IL1RAPL2: variants seen among roughly 807,000 people sequenced by gnomAD.
The protein encoded by IL1RAPL2 is X-linked interleukin-1 receptor accessory protein-like 2.
IL1RAPL2 carries 3 observed loss-of-function variants against 44.1 expected under a neutral mutation model. That is an observed-to-expected ratio of 0.07 (90% confidence interval 0.03 to 0.18). The LOEUF (loss-of-function observed/expected upper bound fraction) is 0.18. Among genes scored for constraint, IL1RAPL2 ranks in the 10% least tolerant of loss-of-function variants. IL1RAPL2 has a pLI of 1.00. For synonymous variants in IL1RAPL2, 181 were observed against 178.8 expected, an observed-to-expected ratio of 1.01 and a Z score of -0.10; for missense variants, 391 against 496.4, an observed-to-expected ratio of 0.79 and a Z score of 2.02.
At chrX:105,548,142 G>T (rs1323239274) in intron 6 of IL1RAPL2, among the ~76,000 whole-genome samples, 1 of 111,798 alleles carries the variant, frequency 8.9e-6, no homozygotes, top group Admixed American at 9.6e-5. Flanking sequence ...GCACCAAATA[G>T]CATAGAAAAA....
intron 6 of IL1RAPL2, among the ~76,000 whole-genome samples, chrX:105,557,356 G>T (rs773719488): frequency 8.1e-5 from 9 of 111,541 alleles, no homozygotes; most frequent in Non-Finnish European, 5.7e-5. Context: ...TGTGTGTGGA[G>T]AATCTAAAAG....
At chrX:104,764,666 A>T (rs1932527298) in intron 2 of IL1RAPL2, among the ~76,000 whole-genome samples, 1 of 112,054 alleles carries the variant, frequency 8.9e-6, no homozygotes, top group Non-Finnish European at 1.9e-5. Flanking sequence ...GCTTTTTCTC[A>T]TTCAGTATGA....
chrX:104,853,488 G>A (rs966566681), intron 2 of IL1RAPL2, among the ~76,000 whole-genome samples: 5 of 111,190 alleles, frequency 4.5e-5, no homozygotes, highest in African/African-American at 1.3e-4. Context: ...GGGGAATGTG[G>A]GAGGTTTATG....
At position 105,749,031 on chromosome X, in the gene IL1RAPL2, A is replaced by G; in HGVS notation, c.1120A>G (p.Ile374Val). ...CCTCCTCCTTGTACTGCTGGTGGTC[A>G]TTTACAAATGCTACAACATTGAATT... ...IFLLLVLLVV[I>V]YKCYNIELML... Residue 374 changes from isoleucine to valine, a missense_variant, in exon 9 of 11, where the codon ATT becomes GTT. Coordinates refer to ENST00000372582, the MANE Select transcript of IL1RAPL2 (RefSeq NM_017416.2). 1.7e-6 allele frequency: 2 copies of G among 1,209,656 alleles called. No homozygotes were observed. The highest frequency in any genetic ancestry group is 2.2e-6 in the Non-Finnish European group (2 of 893,751).
chrX:105,132,117 A>G (rs776405830), intron 2 of IL1RAPL2, among the ~76,000 whole-genome samples: 2 of 109,482 alleles, frequency 1.8e-5, no homozygotes, highest in East Asian at 2.9e-4. Flanking sequence ...AAAGGTTTCA[A>G]TGAAAGTCGT....
Position 104,592,552 on chromosome X carries a change from G to T in IL1RAPL2, c.-20+25501G>T, listed in dbSNP as rs774077889. Among the ~76,000 whole-genome samples, 3 of 111,030 alleles carry T rather than the reference G, an allele frequency of 2.7e-5. No individual in the cohort carries two copies. In the South Asian group the frequency reaches 1.1e-3, roughly 42 times the overall value. On this transcript the variant is annotated intron_variant, in intron 1 of 10. Transcript: ENST00000372582. ...TTTCACATTCTCCAATATCCTTTCT[G>T]GTCCATCATTTTAAGAAGTTCCATA... is the stretch of plus-strand genomic sequence containing the variant.
intron 2 of IL1RAPL2, among the ~76,000 whole-genome samples, chrX:105,137,691 A>T (rs2033088892): frequency 8.9e-6 from 1 of 112,129 alleles, no homozygotes; most frequent in African/African-American, 3.2e-5. Flanking sequence ...TTAACTAAAG[A>T]CACCTAAATG....
At chrX:105,621,955 A>ATG (rs753746663) in intron 6 of IL1RAPL2, among the ~76,000 whole-genome samples, 1 of 109,540 alleles carries the variant, frequency 9.1e-6, no homozygotes, top group Admixed American at 9.8e-5. Context: ...TCTCACCTAA[A>ATG]TGTGTGTGTG....
chrX:104,570,250 T>C (rs1044136298), intron 1 of IL1RAPL2, among the ~76,000 whole-genome samples: 1 of 112,183 alleles, frequency 8.9e-6, no homozygotes, highest in African/African-American at 3.2e-5. Context: ...CAGAAAGCTG[T>C]GATTGGAGCC....
chrX:104,592,131 T>C (rs1928678275), intron 1 of IL1RAPL2, among the ~76,000 whole-genome samples: 1 of 96,848 alleles, frequency 1.0e-5, no homozygotes, highest in Non-Finnish European at 2.1e-5. Flanking sequence ...TATGATTTTT[T>C]TTAATGCCCG....
rs2034171851 is a variant in IL1RAPL2, at chrX:105,241,669, T to C, written c.543+7665T>C. On this transcript the variant is annotated intron_variant, in intron 4 of 10. Transcript: ENST00000372582. The stretch of plus-strand genomic sequence containing the variant: ...AGATCAGTGCTCTAAGAAAACCCTT[T>C]TGTGCTTTTATTTCAATGTTCAATT... Among the ~76,000 whole-genome samples, 3 of 111,996 alleles carry C rather than the reference T, an allele frequency of 2.7e-5. No individual in the cohort carries two copies. In the South Asian group the frequency reaches 1.1e-3, roughly 42 times the overall value.
intron 5 of IL1RAPL2, among the ~76,000 whole-genome samples, chrX:105,444,575 T>C (rs917154536): frequency 2.1e-4 from 23 of 111,788 alleles, no homozygotes; most frequent in African/African-American, 7.1e-4. Flanking sequence ...ATGCCAAAAG[T>C]ATAATTCATT....
intron 2 of IL1RAPL2, among the ~76,000 whole-genome samples, chrX:105,115,548 A>G (rs758914717): frequency 4.3e-4 from 48 of 112,086 alleles, no homozygotes; most frequent in Non-Finnish European, 8.3e-4. Flanking sequence ...ACAAACCCTG[A>G]GCTAGACACA....
intron 2 of IL1RAPL2, among the ~76,000 whole-genome samples, chrX:104,980,945 C>T: frequency 9.0e-6 from 1 of 111,137 alleles, no homozygotes; most frequent in East Asian, 2.8e-4. Context: ...TATCCATCAG[C>T]ATGGAATGCT....
chrX:104,633,991 A>G (rs1929724090), intron 1 of IL1RAPL2, among the ~76,000 whole-genome samples: 1 of 109,096 alleles, frequency 9.2e-6, no homozygotes, highest in African/African-American at 3.4e-5. Context: ...AGTGCTATAA[A>G]TTTCCCTCTA....
At chrX:105,474,182 C>T (rs1390918512) in intron 5 of IL1RAPL2, among the ~76,000 whole-genome samples, 7 of 111,267 alleles carry the variant, frequency 6.3e-5, no homozygotes, top group Non-Finnish European at 1.1e-4. Context: ...AATATAATGT[C>T]ACAAGGATTC....
At chrX:105,731,177 A>T (rs1197611239) in intron 7 of IL1RAPL2, among the ~76,000 whole-genome samples, 1 of 111,652 alleles carries the variant, frequency 9.0e-6, no homozygotes, top group Non-Finnish European at 1.9e-5. Flanking sequence ...AAAATTAGAA[A>T]TGAAAAAGGA....
chrX:104,645,161 C>T (rs1014573431), intron 1 of IL1RAPL2, among the ~76,000 whole-genome samples: 2 of 111,500 alleles, frequency 1.8e-5, no homozygotes, highest in African/African-American at 3.3e-5. Context: ...CTTTATCCTT[C>T]GCTACCTTCT....
chrX:104,779,778 A>G (rs1932760556), intron 2 of IL1RAPL2, among the ~76,000 whole-genome samples: 1 of 111,413 alleles, frequency 9.0e-6, no homozygotes, highest in South Asian at 3.8e-4. Flanking sequence ...TAACCCAACC[A>G]TTTGTTTGGC....
Sources: gnomAD v4.1 joint callset for allele counts (sites outside exome capture counted in the v4.1 genomes callset) on GRCh38, gnomAD v4.1.1 for gene constraint, MANE v1.5 for transcripts, NCBI Gene and HGNC (gene_info 2026-07-23, HGNC 2026-07-21) for gene names.